The following IDUA variants were observed in gnomAD, a reference collection of about 807,000 sequenced individuals.
The protein encoded by IDUA is alpha-L-iduronidase, also known as iduronidase alpha-L-.
A neutral mutation model predicts 68.9 loss-of-function variants in IDUA; 65 were observed. The ratio of observed to expected loss-of-function variants is 0.94; its 90% CI spans 0.77 to 1.16. The LOEUF is 1.16. Among genes scored for constraint, IDUA ranks in the 50% most tolerant of loss-of-function variants. The pLI, the probability that IDUA is intolerant of heterozygous loss-of-function variation, is 0.00. For synonymous variants in IDUA, 529 were observed against 433.6 expected, an observed-to-expected ratio of 1.22 and a Z score of -2.73; for missense variants, 1,046 against 938.0, an observed-to-expected ratio of 1.12 and a Z score of -1.50.
At chr4:1,003,942 C>T (rs1715284419) in intron 12 of IDUA, 70 bp from the exon 13 acceptor site, 9 of 1,286,778 alleles carry the variant, frequency 7.0e-6, no homozygotes, top group Non-Finnish European at 9.1e-6. Flanking sequence ...TCCACGCGGC[C>T]GTGCCCTGCC....
chr4:1,004,453 C>G lies in IDUA; in HGVS notation c.*60C>G. On this transcript the variant is annotated 3_prime_UTR_variant, in exon 14 of 14. Transcript: ENST00000514224. This position sits in a 1 kb window ranked among gnomAD's most constrained non-coding sequence, Gnocchi z 5.0. ...CGGCAGTCAGCGAGCTGGGGCTGCACTGTGCCCATGCTGCCCTCCCATCAC... is the reference window on the plus strand; with the variant it reads ...CGGCAGTCAGCGAGCTGGGGCTGCAGTGTGCCCATGCTGCCCTCCCATCAC... The G allele has an allele frequency of 6.4e-7, 1 of 1,555,588 alleles. No individual in the cohort carries two copies. The highest frequency in any genetic ancestry group is 1.4e-5 in the African/African-American group (1 of 74,022).
At chr4:1,002,605 C>T in intron 8 of IDUA, 120 bp downstream of exon 8, 3 of 1,194,546 alleles carry the variant, frequency 2.5e-6, no homozygotes, top group Non-Finnish European at 3.3e-6. Flanking sequence ...GGGTCGGCCT[C>T]CGCGTGGCGG....
chr4:1,002,371 C>T lies in IDUA; in HGVS notation c.1075C>T (p.Pro359Ser). Residue 359 changes from proline to serine, a missense_variant, in exon 8 of 14, where the codon CCC becomes TCC. Transcript: ENST00000514224. Reference protein sequence around the residue: ...DNAFLSYHPHPFAQRTLTARF... With the variant: ...DNAFLSYHPHSFAQRTLTARF... ...TGCCTTCCTGAGCTACCACCCGCAC[C>T]CCTTCGCGCAGCGCACGCTCACCGC... 2 of 1,612,442 alleles carry T rather than the reference C, an allele frequency of 1.2e-6. No homozygotes were observed. Among genetic ancestry groups the T allele is most frequent in the Non-Finnish European group, 8.5e-7 (1 of 1,179,504 alleles).
intron 2 of IDUA, 66 bp from the exon 3 acceptor site, chr4:1,000,546 G>A (rs558354193): frequency 1.2e-5 from 15 of 1,288,096 alleles, no homozygotes; most frequent in Admixed American, 5.0e-5. Context: ...TTGTGGCCAC[G>A]GTTCCAGCCT....
intron 4 of IDUA, 36 bp from the exon 5 acceptor site, chr4:1,001,432 C>T: frequency 1.3e-6 from 2 of 1,573,246 alleles, no homozygotes; most frequent in Non-Finnish European, 1.7e-6. Flanking sequence ...AGGCGAGATT[C>T]ACCTGTGCTG....
In IDUA at chr4:1,000,642, C is replaced by T. The variant is rs1715015617; in HGVS notation, c.330C>T (p.Asn110=). 1.2e-6 allele frequency: 2 copies of T among 1,612,790 alleles called. No individual in the cohort carries two copies. The highest frequency in any genetic ancestry group is 1.3e-5 in the African/African-American group (1 of 75,068). The change falls in exon 3 of 14, where the codon AAC becomes AAT. Residue 110 remains asparagine, a synonymous_variant. Transcript: ENST00000514224. The part of the protein sequence containing the change: ...RGSTGRGLSY[N]FTHLDGYLDL... ...CCACTGGACGGGGCCTGAGCTACAA[C>T]TTCACCCACCTGGACGGGTACCTGG...
chr4:1,000,800 T>C, intron 3 of IDUA, 82 bp from the exon 4 acceptor site: 1 of 1,481,132 alleles, frequency 6.8e-7, no homozygotes, highest in Admixed American at 1.7e-5. Flanking sequence ...CATTCAGGGC[T>C]GGCCTTGGTG....
intron 2 of IDUA, chr4:991,712 G>A (rs376831366): frequency 2.5e-4 from 378 of 1,534,354 alleles, no homozygotes; most frequent in Non-Finnish European, 2.9e-4. Context: ...ATCCTGTTGC[G>A]TCAGGTCCCG....
chr4:994,146 A>C (rs988283652), intron 2 of IDUA, among the ~76,000 whole-genome samples: 1 of 152,208 alleles, frequency 6.6e-6, no homozygotes, highest in Non-Finnish European at 1.5e-5. Flanking sequence ...CTGCTTTTTA[A>C]AAGGAATTAT....
At chr4:994,985 A>G (rs995531793) in intron 2 of IDUA, among the ~76,000 whole-genome samples, 2 of 151,584 alleles carry the variant, frequency 1.3e-5, no homozygotes, top group Non-Finnish European at 2.9e-5. Context: ...GGATTGCTTG[A>G]GCCCTGGAGG....
At chr4:999,169 C>T (rs1160426706) in intron 2 of IDUA, among the ~76,000 whole-genome samples, 1 of 150,814 alleles carries the variant, frequency 6.6e-6, no homozygotes, top group Non-Finnish European at 1.5e-5. Context: ...CGCGCCACTG[C>T]ACCCCAGGCT....
chr4:995,046 CTTTT>C (rs562525715), intron 2 of IDUA, among the ~76,000 whole-genome samples: 1 of 138,990 alleles, frequency 7.2e-6, no homozygotes, highest in Non-Finnish European at 1.6e-5. Context: ...GCCTACAAGT[CTTTT>C]TTTTTTTTTT....
chr4:1,001,511 G>A lies in IDUA; in HGVS notation c.537G>A (p.Thr179=), dbSNP rs761106308. ...LAHVSKWNFE[T]WNEPDHHDFD... is the part of the protein sequence containing the mutation. ...ATGTTTCCAAGTGGAACTTCGAGAC[G>A]TGGAATGAGCCAGACCACCACGACT... Residue 179 remains threonine, a synonymous_variant, in exon 5 of 14, where the codon ACG becomes ACA. Coordinates refer to ENST00000514224, the MANE Select transcript of IDUA (RefSeq NM_000203.5). 5 of 1,613,238 alleles carry A rather than the reference G, an allele frequency of 3.1e-6. No homozygotes were observed. Among genetic ancestry groups the A allele is most frequent in the Non-Finnish European group, 4.2e-6 (5 of 1,179,966 alleles).
At chr4:997,913 C>G (rs1253427294) in intron 2 of IDUA, among the ~76,000 whole-genome samples, 1 of 152,162 alleles carries the variant, frequency 6.6e-6, no homozygotes, top group South Asian at 2.1e-4. Flanking sequence ...TGGGGCTCCC[C>G]CCGCTAGGGT....
rs774896030 is a variant in IDUA at position 994,673 on chromosome 4, G to A, written c.300-5939G>A. Among the ~76,000 whole-genome samples the A allele has an allele frequency of 1.3e-3, 192 of 152,080 alleles. 2 individuals carry two copies. Among genetic ancestry groups the A allele is most frequent in the Non-Finnish European group, 1.8e-3 (124 of 68,024 alleles). ...AGGATGGTCTTGATCTCCTGACCTC[G>A]TGATCCACCCACCTCGGCCTCCCAA... is the stretch of plus-strand genomic sequence containing the variant. On this transcript the variant is annotated intron_variant, in intron 2 of 13. Transcript: ENST00000514224.
intron 4 of IDUA, 92 bp downstream of exon 4, chr4:1,001,081 A>G (rs1363637865): frequency 3.4e-6 from 3 of 889,854 alleles, no homozygotes; most frequent in East Asian, 5.0e-5. Flanking sequence ...CCTGGTCAGG[A>G]GATACATTGG....
chr4:990,204 C>G, intron 2 of IDUA: 1 of 1,562,466 alleles, frequency 6.4e-7, no homozygotes, highest in Non-Finnish European at 8.7e-7. Flanking sequence ...ATGTGAGGAC[C>G]ACCATGCCGG....
intron 4 of IDUA, 39 bp downstream of exon 4, chr4:1,001,028 G>T (rs1248849593): frequency 1.4e-6 from 2 of 1,420,374 alleles, no homozygotes; most frequent in Non-Finnish European, 2.0e-6. Flanking sequence ...GCCGGGGCGG[G>T]GGTACTCCTG....
At chr4:1,003,818 T>G in intron 12 of IDUA, 193 bp downstream of exon 12, 1 of 781,816 alleles carries the variant, frequency 1.3e-6, no homozygotes, top group Non-Finnish European at 2.2e-6. Flanking sequence ...GTGTGGGTTC[T>G]CCTAGGGGAC....
Sources: allele counts gnomAD v4.1 joint callset (sites outside exome capture counted in the v4.1 genomes callset), GRCh38; gene constraint gnomAD v4.1.1; non-coding constraint Gnocchi (gnomAD v3.1); transcripts MANE v1.5; gene names NCBI Gene and HGNC (gene_info 2026-07-23, HGNC 2026-07-21).